The following ADGRL3 variants were observed in gnomAD, a reference collection of about 807,000 sequenced individuals.
The protein encoded by ADGRL3 is calcium-independent alpha-latrotoxin receptor 3.
A neutral mutation model predicts 153.5 loss-of-function variants in ADGRL3; 62 were observed. The ratio of observed to expected loss-of-function variants is 0.40; its 90% CI spans 0.33 to 0.50. ADGRL3 has a LOEUF of 0.50. Ranked by LOEUF, ADGRL3 falls within the 20% of genes least tolerant of loss-of-function variation. The pLI is 0.47. For missense variants in ADGRL3, 1,641 were observed against 1,859.4 expected, an observed-to-expected ratio of 0.88 and a Z score of 2.16; for synonymous variants, 710 against 672.5, an observed-to-expected ratio of 1.06 and a Z score of -0.86.
At chr4:61,463,444 A>T (rs1027476141) in intron 2 of ADGRL3, among the ~76,000 whole-genome samples, 7 of 152,098 alleles carry the variant, frequency 4.6e-5, no homozygotes, top group Admixed American at 2.0e-4. Context: ...GACTTTTAAC[A>T]ACCAGATCTC....
intron 15 of ADGRL3, among the ~76,000 whole-genome samples, chr4:61,939,826 T>G (rs1415029794): frequency 1.3e-5 from 2 of 152,238 alleles, no homozygotes; most frequent in Admixed American, 6.5e-5. Context: ...TACCATTTGC[T>G]GTCTCAATTC....
At position 61,895,890 on chromosome 4, in the gene ADGRL3, A is replaced by G. The variant is rs2098628486; in HGVS notation, c.1887+56A>G. On this transcript the variant is annotated intron_variant, in intron 11 of 26. Coordinates refer to ENST00000683033, the MANE Select transcript of ADGRL3 (RefSeq NM_001387552.1). ...GCTAAAACTATATCATCTGTTGTTG[A>G]TGATAGCTGTTGGAAAAAAAACAGT... The G allele has an allele frequency of 1.7e-5, 16 of 964,738 alleles. No individual in the cohort carries two copies. The South Asian group carries it at 2.9e-4, about 17-fold the overall frequency. 59.8% of individuals were successfully genotyped at this position (964,738 alleles called of 1,614,324 possible).
chr4:61,213,802 A>G (rs1428879291), intron 1 of ADGRL3, among the ~76,000 whole-genome samples: 4 of 152,180 alleles, frequency 2.6e-5, no homozygotes, highest in African/African-American at 9.6e-5. Context: ...TGTTGCTAGA[A>G]TAAGTGGTGT....
At chr4:61,230,957 G>C (rs1366364391) in intron 1 of ADGRL3, among the ~76,000 whole-genome samples, 1 of 152,204 alleles carries the variant, frequency 6.6e-6, no homozygotes, top group Non-Finnish European at 1.5e-5. Flanking sequence ...TTTGTCCCGT[G>C]CAAGCATCTA....
intron 4 of ADGRL3, among the ~76,000 whole-genome samples, chr4:61,549,532 G>A (rs376286257): frequency 1.3e-5 from 2 of 151,878 alleles, no homozygotes; most frequent in Non-Finnish European, 2.9e-5. Flanking sequence ...GTGGAGACAC[G>A]CTCTCTGACA....
chr4:61,541,977 G>T, intron 4 of ADGRL3, among the ~76,000 whole-genome samples: 1 of 152,164 alleles, frequency 6.6e-6, no homozygotes. Context: ...GTGATGTGGG[G>T]TCGTGGCCAA....
In ADGRL3 at chr4:61,229,234, G is replaced by C. The variant is rs188600932; in HGVS notation, c.-240+27469G>C. 8.4e-4 allele frequency among the ~76,000 whole-genome samples: 128 copies of C among 152,258 alleles called. 1 individual carries two copies. Among genetic ancestry groups the C allele is most frequent in the African/African-American group, 3.0e-3 (125 of 41,550 alleles). ...TTGGCTCAACATTTCCTGTGTTTCT[G>C]TCTTTGCTTATGTGCTTACCTAAGC... On this transcript the variant is annotated intron_variant, in intron 1 of 26. Transcript: ENST00000683033.
chr4:61,842,579 G>GA (rs1286145228), intron 9 of ADGRL3, among the ~76,000 whole-genome samples: 2 of 151,396 alleles, frequency 1.3e-5, no homozygotes, highest in African/African-American at 4.9e-5. Context: ...TCCCCTGGTA[G>GA]AAAAAAAGCA....
intron 4 of ADGRL3, among the ~76,000 whole-genome samples, chr4:61,560,606 A>G (rs1327755470): frequency 2.6e-5 from 4 of 152,214 alleles, no homozygotes; most frequent in Admixed American, 6.6e-5. Context: ...GTCCTACTAC[A>G]TCTGCCCAAC....
chr4:61,306,080 A>G (rs1385179858), intron 1 of ADGRL3, among the ~76,000 whole-genome samples: 1 of 151,598 alleles, frequency 6.6e-6, no homozygotes, highest in African/African-American at 2.4e-5. Flanking sequence ...GAACTTATTT[A>G]TTTATTTTTT....
At position 61,728,388 on chromosome 4, in the gene ADGRL3, G is replaced by C. The variant is rs1413132080; in HGVS notation, c.584-2234G>C. ...CAAAATTTTACCAAATGGCAGTTGA[G>C]TTAATAGAGGTTAAAGCTCTTCAAA... On this transcript the variant is annotated intron_variant, in intron 6 of 26. Coordinates refer to ENST00000683033, the MANE Select transcript of ADGRL3 (RefSeq NM_001387552.1). 2.0e-5 allele frequency among the ~76,000 whole-genome samples: 3 copies of C among 152,132 alleles called. No individual in the cohort carries two copies. In the South Asian group the frequency reaches 6.2e-4, roughly 32 times the overall value.
At chr4:61,532,498 C>G (rs561068129) in intron 4 of ADGRL3, among the ~76,000 whole-genome samples, 2 of 150,800 alleles carry the variant, frequency 1.3e-5, no homozygotes, top group Non-Finnish European at 3.0e-5. Flanking sequence ...TTCAAGTACT[C>G]ATTTGTAAGT....
At chr4:61,520,431 A>G (rs188280280) in intron 4 of ADGRL3, among the ~76,000 whole-genome samples, 4 of 152,296 alleles carry the variant, frequency 2.6e-5, no homozygotes, top group Admixed American at 2.0e-4. Context: ...GAAAACAGCT[A>G]AAGCATTTCA....
intron 1 of ADGRL3, among the ~76,000 whole-genome samples, chr4:61,364,973 G>A (rs967310981): frequency 2.0e-5 from 3 of 152,204 alleles, no homozygotes; most frequent in African/African-American, 7.2e-5. Flanking sequence ...ACAAACCTTA[G>A]CCTGAGGTTG....
chr4:61,304,480 T>C (rs1258186210), intron 1 of ADGRL3, among the ~76,000 whole-genome samples: 1 of 152,222 alleles, frequency 6.6e-6, no homozygotes, highest in African/African-American at 2.4e-5. Context: ...AAGGTAGTCT[T>C]TATGCCTGAG....
At chr4:61,800,650 T>C (rs1180533470) in intron 8 of ADGRL3, among the ~76,000 whole-genome samples, 3 of 152,224 alleles carry the variant, frequency 2.0e-5, no homozygotes, top group East Asian at 1.9e-4. Flanking sequence ...TAACGGAAGA[T>C]ACTTGTTAGA....
intron 25 of ADGRL3, among the ~76,000 whole-genome samples, chr4:62,063,023 A>G (rs935867269): frequency 2.6e-5 from 4 of 152,090 alleles, no homozygotes; most frequent in African/African-American, 9.7e-5. Flanking sequence ...GTGTTTTATC[A>G]TAAATGTTGC....
chr4:62,005,533 A>G (rs1259621414), intron 21 of ADGRL3, among the ~76,000 whole-genome samples: 2 of 152,150 alleles, frequency 1.3e-5, no homozygotes, highest in Admixed American at 6.6e-5. Flanking sequence ...CTAAAAACCT[A>G]TCTAAGGGGA....
chr4:61,635,159 A>AT (rs985453952), intron 5 of ADGRL3, among the ~76,000 whole-genome samples: 17 of 152,078 alleles, frequency 1.1e-4, no homozygotes, highest in Non-Finnish European at 2.4e-4. Context: ...GAAAATTGAG[A>AT]TCCCCCTTCC....
Sources: gnomAD v4.1 joint callset for allele counts (sites outside exome capture counted in the v4.1 genomes callset) on GRCh38, gnomAD v4.1.1 for gene constraint, MANE v1.5 for transcripts, NCBI Gene and HGNC (gene_info 2026-07-23, HGNC 2026-07-21) for gene names.